Variants in CUL2 observed in about 807,000 individuals in gnomAD.
The protein encoded by CUL2 is cullin-2.
CUL2 carries 22 observed loss-of-function variants against 110.2 expected under a neutral mutation model. The ratio of observed to expected loss-of-function variants is 0.20; its 90% confidence interval spans 0.14 to 0.28. The LOEUF (loss-of-function observed/expected upper bound fraction) is 0.28. CUL2 is among the 10% of genes least tolerant of loss of function. CUL2 has a pLI of 1.00. For missense variants in CUL2, 631 were observed against 905.5 expected (o/e 0.70, Z 3.89); for synonymous variants, 279 against 293.2 (o/e 0.95, Z 0.49).
At chr10:35,022,265 C>T (rs2085221504) in intron 17 of CUL2, among the ~76,000 whole-genome samples, 1 of 152,224 alleles carries the variant, frequency 6.6e-6, no homozygotes, top group Non-Finnish European at 1.5e-5. Context: ...TAAGATTACA[C>T]AGCTAATAAG....
chr10:35,123,445 G>A (rs117055113), intron 1 of CUL2, among the ~76,000 whole-genome samples: 1,881 of 152,084 alleles, frequency 0.012, 14 homozygotes, highest in Middle Eastern at 0.027. Flanking sequence ...AAATACTTAG[G>A]ATGAACTATA....
At chr10:35,071,081 G>A in intron 2 of CUL2, 118 bp downstream of exon 2, 2 of 950,450 alleles carry the variant, frequency 2.1e-6, no homozygotes, top group Non-Finnish European at 3.2e-6. Flanking sequence ...AAATGTAGAT[G>A]ATAATATATT....
chr10:35,103,308 AT>A (rs67257350), intron 1 of CUL2, among the ~76,000 whole-genome samples: 2,109 of 94,504 alleles, frequency 0.022, 31 homozygotes, highest in African/African-American at 0.074. Flanking sequence ...GGCCAAGCTA[AT>A]TTTTTTTTTT....
At chr10:35,117,207 A>G (rs573192138) in intron 1 of CUL2, among the ~76,000 whole-genome samples, 2 of 152,290 alleles carry the variant, frequency 1.3e-5, no homozygotes, top group Admixed American at 1.3e-4. Flanking sequence ...AGATACTGGT[A>G]TATGTTTAGC....
intron 6 of CUL2, among the ~76,000 whole-genome samples, chr10:35,045,646 A>C (rs1455415569): frequency 6.6e-6 from 1 of 151,738 alleles, no homozygotes; most frequent in African/African-American, 2.4e-5. Context: ...GCCCAGGAGG[A>C]GTCGAGGCTA....
At chr10:35,077,914 C>A (rs1290955118) in intron 1 of CUL2, among the ~76,000 whole-genome samples, 1 of 151,950 alleles carries the variant, frequency 6.6e-6, no homozygotes, top group Admixed American at 6.6e-5. Flanking sequence ...AATTAAACAG[C>A]TTGCTCATGA....
At chr10:35,063,174 TTATAA>T in intron 2 of CUL2, 112 bp from the exon 3 acceptor site, 2 of 633,754 alleles carry the variant, frequency 3.2e-6, no homozygotes, top group Non-Finnish European at 5.5e-6. Flanking sequence ...GTGGTTTAGC[TTATAA>T]TATACATAAT....
chr10:35,033,313 G>T, intron 10 of CUL2, 40 bp from the exon 11 acceptor site: 1 of 1,366,542 alleles, frequency 7.3e-7, no homozygotes, highest in Non-Finnish European at 1.0e-6. Flanking sequence ...ATTTTAAGAG[G>T]TTCAAGGATA....
intron 1 of CUL2, among the ~76,000 whole-genome samples, chr10:35,076,911 G>T (rs894458054): frequency 3.9e-5 from 6 of 152,068 alleles, no homozygotes; most frequent in African/African-American, 1.4e-4. Flanking sequence ...AATTAGCCAG[G>T]TGTGGTTGTG....
intron 1 of CUL2, among the ~76,000 whole-genome samples, chr10:35,124,153 A>T (rs966553566): frequency 1.3e-5 from 2 of 152,312 alleles, no homozygotes; most frequent in South Asian, 4.1e-4. Context: ...CTGTACTCTA[A>T]CCTGGGTGAC....
intron 1 of CUL2, 22 bp from the exon 2 acceptor site, chr10:35,071,361 C>A (rs1215489493): frequency 5.1e-6 from 8 of 1,582,902 alleles, no homozygotes; most frequent in Non-Finnish European, 6.9e-6. Context: ...AAAACAATAA[C>A]AATGTTAGCA....
rs1554851929 is a variant in CUL2, at chr10:35,009,201, T to TAATA, written c.*1109_*1110insTATT. On this transcript the variant is annotated 3_prime_UTR_variant, in exon 21 of 21. Transcript: ENST00000374749. ...CTGTTGAGATATATATATATATATATTATATATATATATATATATAAAATA... is the reference window on the plus strand; with the variant it reads ...CTGTTGAGATATATATATATATATATAATATATATATATATATATATATAAAATA... 2.9e-5 allele frequency: 4 copies of TAATA among 137,896 alleles called. No homozygotes were observed. Among genetic ancestry groups the TAATA allele is most frequent in the African/African-American group, 1.1e-4 (4 of 37,358 alleles). The allele number at this position is 137,896 out of a possible 1,614,324, so 8.5% of individuals were successfully genotyped here. A position where few individuals can be genotyped will look rare whatever the true frequency, so the allele number is the denominator to read the frequency against.
intron 20 of CUL2, among the ~76,000 whole-genome samples, chr10:35,011,248 T>C (rs2084895002): frequency 1.3e-5 from 2 of 149,934 alleles, no homozygotes; most frequent in Non-Finnish European, 3.0e-5. Flanking sequence ...AGATGGGGTC[T>C]CCCTGTGTTG....
upstream of CUL2, among the ~76,000 whole-genome samples, chr10:35,091,925 GC>G (rs1173320031): frequency 6.6e-6 from 1 of 151,816 alleles, no homozygotes; most frequent in African/African-American, 2.4e-5. Flanking sequence ...ACCGTGTCAG[GC>G]CCCCCCTGCT....
In CUL2 at chr10:35,029,403, C is replaced by T. The variant is rs918412562; in HGVS notation, c.1539+85G>A. 181 of 990,136 alleles carry T rather than the reference C, an allele frequency of 1.8e-4. 2 individuals carry two copies. The South Asian group carries it at 3.5e-3, about 19-fold the overall frequency. 61.3% of individuals were successfully genotyped at this position (990,136 alleles called of 1,614,324 possible). A position where few individuals can be genotyped will look rare whatever the true frequency, so the allele number is the denominator to read the frequency against. On this transcript the variant is annotated intron_variant, in intron 15 of 20. Coordinates refer to ENST00000374749, the MANE Select transcript of CUL2 (RefSeq NM_003591.4). ...GCCACAATCTACTCACAGAACCAAA[C>T]GTAATCAGGCATCCATTTATGAATC... is the stretch of plus-strand genomic sequence containing the variant.
intron 1 of CUL2, among the ~76,000 whole-genome samples, chr10:35,123,727 A>G (rs993720999): frequency 2.9e-4 from 44 of 152,240 alleles, no homozygotes; most frequent in Admixed American, 1.3e-4. Flanking sequence ...TGAAAGGGGA[A>G]GAAGACAAGA....
upstream of CUL2, among the ~76,000 whole-genome samples, chr10:35,095,482 T>C (rs549062461): frequency 2.0e-5 from 3 of 152,328 alleles, no homozygotes; most frequent in East Asian, 5.8e-4. Flanking sequence ...ATATAATATA[T>C]ATGCTATTTT....
At chr10:35,054,357 A>G (rs940725088) in intron 5 of CUL2, 77 bp downstream of exon 5, 4 of 783,500 alleles carry the variant, frequency 5.1e-6, no homozygotes, top group Non-Finnish European at 8.3e-6. Flanking sequence ...AGTGTCCTTA[A>G]AAAATGATGT....
chr10:35,041,709 T>A (rs1215356795), intron 8 of CUL2, among the ~76,000 whole-genome samples: 2 of 152,072 alleles, frequency 1.3e-5, no homozygotes, highest in Non-Finnish European at 2.9e-5. Flanking sequence ...GCTAGTTTTT[T>A]AATTTTTTGT....
Sources: allele counts gnomAD v4.1 joint callset (sites outside exome capture counted in the v4.1 genomes callset), GRCh38; gene constraint gnomAD v4.1.1; transcripts MANE v1.5; gene names NCBI Gene and HGNC (gene_info 2026-07-23, HGNC 2026-07-21).